The following FRYL variants were observed in gnomAD, a reference collection of about 807,000 sequenced individuals.
FRYL encodes protein furry homolog-like.
Under a neutral mutation model 351.2 loss-of-function variants are expected in FRYL, and 150 were observed. The observed-to-expected ratio is 0.43, with a 90% CI of 0.37 to 0.49. The LOEUF is 0.49. FRYL is among the 20% of genes least tolerant of loss of function. The pLI is 0.00. For synonymous variants in FRYL, 1,153 were observed against 1,257.1 expected (o/e 0.92, Z 1.75); for missense variants, 3,036 against 3,619.3 (o/e 0.84, Z 4.13).
Position 48,535,823 on chromosome 4 carries a change from C to T in FRYL, c.6398G>A (p.Cys2133Tyr), listed in dbSNP as rs764821716. Residue 2133 changes from cysteine (C) to tyrosine (Y), a missense_variant, in exon 48 of 64, where the codon TGT (cysteine) becomes TAT (tyrosine). Cys to Tyr is a radical substitution (Grantham distance 194). Coordinates refer to ENST00000358350, the MANE Select transcript of FRYL (RefSeq NM_015030.2). ...AAGTGTTGGGCATTTTTCTTCTGCA[C>T]AAACCTAGAAAACAAATAAAATTAT... The part of the protein sequence containing the change: ...KETASRIAKV[C>Y]AEEKCPTLVN... 2 of 1,516,370 alleles carry T rather than the reference C, an allele frequency of 1.3e-6. No individual in the cohort carries two copies. Among genetic ancestry groups the T allele is most frequent in the Non-Finnish European group, 1.8e-6 (2 of 1,128,674 alleles). 93.9% of individuals were successfully genotyped at this position (1,516,370 alleles called of 1,614,324 possible). A position where few individuals can be genotyped will look rare whatever the true frequency, so the allele number is the denominator to read the frequency against.
At chr4:48,736,850 GAAAAAA>G (rs368006420) in intron 1 of FRYL, among the ~76,000 whole-genome samples, 21 of 40,608 alleles carry the variant, frequency 5.2e-4, no homozygotes, top group African/African-American at 1.6e-3. Context: ...ACTCTGTCTC[GAAAAAA>G]AAAAAAAAAA....
rs1390281313 is a variant in FRYL at position 48,623,123 on chromosome 4, T to C, written c.174+3A>G. 6.3e-7 allele frequency: 1 copy of C among 1,579,744 alleles called. No individual in the cohort carries two copies. Among genetic ancestry groups the C allele is most frequent in the Non-Finnish European group, 8.6e-7 (1 of 1,160,956 alleles). On this transcript the variant is annotated splice_donor_region_variant and intron_variant, in intron 5 of 63. Coordinates refer to ENST00000358350, the MANE Select transcript of FRYL (RefSeq NM_015030.2). Reference sequence around the variant, plus strand: ...AAAAAAAATTCTCCCAAAATTGTCATACCTGATCAAACTGAAGATCTTCAC... The same window carrying C: ...AAAAAAAATTCTCCCAAAATTGTCACACCTGATCAAACTGAAGATCTTCAC...
rs751223045 is a variant in FRYL at position 48,548,672 on chromosome 4, G to A, written c.4888+18C>T. ...ATAAAAATATAACATGAAAGAATTA[G>A]AACCAAATATTTATTACCTATAAAA... On this transcript the variant is annotated intron_variant, in intron 40 of 63. Coordinates refer to ENST00000358350, the MANE Select transcript of FRYL (RefSeq NM_015030.2). 1 of 1,310,508 alleles carries A rather than the reference G, an allele frequency of 7.6e-7. No individual in the cohort carries two copies. The highest frequency in any genetic ancestry group is 1.2e-5 in the South Asian group (1 of 82,548). The allele number at this position is 1,310,508 out of a possible 1,614,324, so 81.2% of individuals were successfully genotyped here. A position where few individuals can be genotyped will look rare whatever the true frequency, so the allele number is the denominator to read the frequency against.
At position 48,565,779 on chromosome 4, in the gene FRYL, G is replaced by A. The variant is rs946732950; in HGVS notation, c.3170-88C>T. On this transcript the variant is annotated intron_variant, in intron 28 of 63. Transcript: ENST00000358350. ...AACATGTTATTGAATGTGTAATAGT[G>A]TAAAAAAGAAAGCAGAAGTTTTCAT... The A allele has an allele frequency of 4.6e-6, 6 of 1,294,662 alleles. No homozygotes were observed. In the South Asian group the frequency reaches 5.6e-5, roughly 12 times the overall value. The allele number at this position is 1,294,662 out of a possible 1,614,324, so 80.2% of individuals were successfully genotyped here. A position where few individuals can be genotyped will look rare whatever the true frequency, so the allele number is the denominator to read the frequency against.
intron 2 of FRYL, among the ~76,000 whole-genome samples, chr4:48,699,789 C>T (rs1427300230): frequency 8.2e-6 from 1 of 122,652 alleles, no homozygotes; most frequent in African/African-American, 2.6e-5. Flanking sequence ...ATATTTGGCC[C>T]CTGGATCAGT....
At chr4:48,706,952 A>G (rs1767431110) in intron 2 of FRYL, among the ~76,000 whole-genome samples, 1 of 152,164 alleles carries the variant, frequency 6.6e-6, no homozygotes, top group Non-Finnish European at 1.5e-5. Context: ...TTGCAGCCCC[A>G]GAAGATACTT....
intron 1 of FRYL, among the ~76,000 whole-genome samples, chr4:48,712,525 A>G (rs1284962834): frequency 1.3e-5 from 2 of 152,220 alleles, no homozygotes; most frequent in Non-Finnish European, 2.9e-5. Flanking sequence ...AGAAAAAAGA[A>G]TAAAAAGAAA....
chr4:48,716,146 A>G (rs925435955), intron 1 of FRYL, among the ~76,000 whole-genome samples: 1 of 152,142 alleles, frequency 6.6e-6, no homozygotes, highest in African/African-American at 2.4e-5. Context: ...AAAGACTTAA[A>G]CGTTAGACCT....
chr4:48,556,990 G>A lies in FRYL; in HGVS notation c.4254C>T (p.Ser1418=), dbSNP rs1734256802. The part of the protein sequence containing the change: ...ISICGVNSEP[S]LLPYVKKVIV... Reference sequence around the variant, plus strand: ...CTTGAATACATACGTAAGGCAAGAGGCTTGGTTCGCTATTCACCCCACAAA... The same window carrying A: ...CTTGAATACATACGTAAGGCAAGAGACTTGGTTCGCTATTCACCCCACAAA... The change falls in exon 35 of 64, where the codon AGC becomes AGT. Residue 1418 remains serine (S), a synonymous_variant. Transcript: ENST00000358350. 1.3e-6 allele frequency: 2 copies of A among 1,592,788 alleles called. No individual in the cohort carries two copies. Among genetic ancestry groups the A allele is most frequent in the Admixed American group, 3.4e-5 (2 of 58,922 alleles).
chr4:48,716,505 G>A (rs1768847202), intron 1 of FRYL, among the ~76,000 whole-genome samples: 1 of 151,634 alleles, frequency 6.6e-6, no homozygotes, highest in South Asian at 2.1e-4. Context: ...CATTTATGCA[G>A]CCAAAAAACA....
intron 1 of FRYL, among the ~76,000 whole-genome samples, chr4:48,744,041 A>G (rs1772406560): frequency 6.6e-6 from 1 of 152,168 alleles, no homozygotes; most frequent in Admixed American, 6.5e-5. Flanking sequence ...AACACAACCT[A>G]TGTGAGCATC....
intron 55 of FRYL, among the ~76,000 whole-genome samples, chr4:48,519,565 C>T (rs1577911378): frequency 6.6e-6 from 1 of 151,284 alleles, no homozygotes; most frequent in Middle Eastern, 3.4e-3. Flanking sequence ...TGCAGTGGCG[C>T]GATCTCGGCT....
chr4:48,537,693 C>A (rs1729196207), intron 47 of FRYL, among the ~76,000 whole-genome samples: 1 of 152,188 alleles, frequency 6.6e-6, no homozygotes, highest in Non-Finnish European at 1.5e-5. Context: ...AAGGCCATAT[C>A]TGATTTCTTA....
chr4:48,602,001 A>T lies in FRYL; in HGVS notation c.1035+19T>A. 7.6e-7 allele frequency: 1 copy of T among 1,319,052 alleles called. No homozygotes were observed. 81.7% of individuals were successfully genotyped at this position (1,319,052 alleles called of 1,614,324 possible). A position where few individuals can be genotyped will look rare whatever the true frequency, so the allele number is the denominator to read the frequency against. On this transcript the variant is annotated intron_variant, in intron 13 of 63. Coordinates refer to ENST00000358350, the MANE Select transcript of FRYL (RefSeq NM_015030.2). ...ATACCAGTCAGTATTTACATATCAGAAGTGTGATTACATCTTACCTTTAAA... is the reference window on the plus strand; with the variant it reads ...ATACCAGTCAGTATTTACATATCAGTAGTGTGATTACATCTTACCTTTAAA...
At chr4:48,641,387 T>C (rs1402864413) in intron 3 of FRYL, among the ~76,000 whole-genome samples, 1 of 152,110 alleles carries the variant, frequency 6.6e-6, no homozygotes, top group Non-Finnish European at 1.5e-5. Context: ...TATAAAATAT[T>C]ATCTTTTTAG....
At chr4:48,654,298 C>CAAA (rs34418324) in intron 3 of FRYL, among the ~76,000 whole-genome samples, 1 of 123,688 alleles carries the variant, frequency 8.1e-6, no homozygotes. Flanking sequence ...AATAGCTGAT[C>CAAA]AAAAAAAAAA....
chr4:48,639,373 A>C (rs1560768501), intron 3 of FRYL, among the ~76,000 whole-genome samples: 2 of 152,134 alleles, frequency 1.3e-5, no homozygotes, highest in Admixed American at 6.6e-5. Flanking sequence ...AGAGCCCAGA[A>C]ATAGACCCAC....
chr4:48,515,129 T>C lies in FRYL; in HGVS notation c.7836A>G (p.Glu2612=). Residue 2612 remains glutamate, a synonymous_variant, in exon 56 of 64, where the codon GAA becomes GAG. Coordinates refer to ENST00000358350, the MANE Select transcript of FRYL (RefSeq NM_015030.2). ...CTTCACAGACTGACTCGGGGTAACTTTCAGGAGCTAGAGGCTCTGGCATTT... is the reference window on the plus strand; with the variant it reads ...CTTCACAGACTGACTCGGGGTAACTCTCAGGAGCTAGAGGCTCTGGCATTT... ...ETEMPEPLAP[E]SYPESVCEED... 1 of 1,613,984 alleles carries C rather than the reference T, an allele frequency of 6.2e-7. No individual in the cohort carries two copies.
intron 1 of FRYL, among the ~76,000 whole-genome samples, chr4:48,739,352 G>A (rs1771792190): frequency 7.1e-6 from 1 of 140,924 alleles, no homozygotes; most frequent in Non-Finnish European, 1.5e-5. Context: ...AGTGAGCCAA[G>A]ATTGTGCCAC....
Sources: allele counts gnomAD v4.1 joint callset (sites outside exome capture counted in the v4.1 genomes callset), GRCh38; gene constraint gnomAD v4.1.1; transcripts MANE v1.5; gene names NCBI Gene and HGNC (gene_info 2026-07-23, HGNC 2026-07-21).